The following FRMPD3 variants were observed in gnomAD, a reference collection of about 807,000 sequenced individuals.
The protein encoded by FRMPD3 is FERM and PDZ domain-containing protein 3.
Under a neutral mutation model 97.9 loss-of-function variants are expected in FRMPD3, and 42 were observed. The observed-to-expected ratio is 0.43, with a 90% CI of 0.34 to 0.55. The LOEUF (loss-of-function observed/expected upper bound fraction) is 0.55. FRMPD3 is among the 20% of genes least tolerant of loss of function. The pLI, the probability that FRMPD3 is intolerant of heterozygous loss-of-function variation, is 0.03. For missense variants in FRMPD3, 1,303 were observed against 1,457.7 expected, an observed-to-expected ratio of 0.89 and a Z score of 1.73; for synonymous variants, 577 against 581.1, an observed-to-expected ratio of 0.99 and a Z score of 0.10.
Position 107,597,624 on chromosome X carries a change from C to T in FRMPD3, c.1745C>T (p.Ala582Val), listed in dbSNP as rs778835068. ...GYEVVPDDFD[A>V]ASLDHEPCAS... is the part of the protein sequence containing the mutation. ...GAGGTAGTCCCTGATGACTTTGATG[C>T]AGCTAGCCTAGACCACGAGCCTTGT... is the stretch of plus-strand genomic sequence containing the variant. The change falls in exon 14 of 15, where the codon GCA becomes GTA. Residue 582 changes from alanine (A) to valine (V), a missense_variant. Physicochemically the swap from Ala to Val is moderately conservative, Grantham distance 64 (BLOSUM62 0). Around this residue, in one of 3 missense-constraint regions of FRMPD3, gnomAD observed 535 missense variants for 618.6 expected, o/e 0.86. Coordinates refer to ENST00000683843, the MANE Select transcript of FRMPD3 (RefSeq NM_001388459.1). 2 of 1,209,173 alleles carry T rather than the reference C, an allele frequency of 1.7e-6. No individual in the cohort carries two copies. Among genetic ancestry groups the T allele is most frequent in the Non-Finnish European group, 2.2e-6 (2 of 895,172 alleles).
At chrX:107,475,234 C>G (rs6652406) in intron 1 of FRMPD3, among the ~76,000 whole-genome samples, 2,353 of 111,319 alleles carry the variant, frequency 0.021, 53 homozygotes, top group African/African-American at 0.073. Context: ...TTCATTTGGC[C>G]GATGAAAGCC....
chrX:107,564,695 C>G (rs919429406), intron 11 of FRMPD3, among the ~76,000 whole-genome samples, 192 bp from the exon 12 acceptor site: 7 of 112,422 alleles, frequency 6.2e-5, no homozygotes, highest in South Asian at 3.7e-4. Flanking sequence ...ATCTGGGGCT[C>G]TATCCCAGGA....
chrX:107,557,726 A>G (rs1922146524), intron 8 of FRMPD3, among the ~76,000 whole-genome samples: 2 of 89,477 alleles, frequency 2.2e-5, no homozygotes, highest in Admixed American at 2.6e-4. Flanking sequence ...CAATTGTTAT[A>G]GCACCTTTTG....
chrX:107,524,413 A>T (rs1464629091), intron 1 of FRMPD3, among the ~76,000 whole-genome samples: 3 of 111,961 alleles, frequency 2.7e-5, no homozygotes, highest in Admixed American at 9.4e-5. Flanking sequence ...CCTTCCAGAG[A>T]CTTGACCTCA....
intron 1 of FRMPD3, among the ~76,000 whole-genome samples, chrX:107,463,998 T>G (rs955541345): frequency 4.5e-5 from 5 of 111,841 alleles, no homozygotes; most frequent in Middle Eastern, 4.6e-3. Flanking sequence ...TTGGGATTTG[T>G]TTGTAGGTAA....
At chrX:107,492,345 T>C (rs987964923) in intron 1 of FRMPD3, among the ~76,000 whole-genome samples, 8 of 111,704 alleles carry the variant, frequency 7.2e-5, no homozygotes, top group Admixed American at 5.7e-4. Context: ...TGACCCAAAA[T>C]GTACATTTCT....
chrX:107,466,830 C>G (rs1931573346), intron 1 of FRMPD3, among the ~76,000 whole-genome samples: 1 of 111,719 alleles, frequency 9.0e-6, no homozygotes, highest in Non-Finnish European at 1.9e-5. Flanking sequence ...CACCTTTAGC[C>G]AAGAGACTCT....
At chrX:107,466,993 T>A in intron 1 of FRMPD3, among the ~76,000 whole-genome samples, 1 of 100,206 alleles carries the variant, frequency 1.0e-5, no homozygotes, top group Non-Finnish European at 2.0e-5. Context: ...GTTGGAGGTG[T>A]GTGTGTGTGT....
chrX:107,460,211 G>A (rs1163685024), intron 1 of FRMPD3, among the ~76,000 whole-genome samples: 1 of 111,434 alleles, frequency 9.0e-6, no homozygotes, highest in Non-Finnish European at 1.9e-5. Flanking sequence ...AACTGGCTTA[G>A]GAGTCAACCA....
At chrX:107,491,166 G>A (rs1006323519) in intron 1 of FRMPD3, among the ~76,000 whole-genome samples, 1 of 111,900 alleles carries the variant, frequency 8.9e-6, no homozygotes, top group Non-Finnish European at 1.9e-5. Flanking sequence ...GGGAAAGCAA[G>A]CTCCCTTATC....
At chrX:107,488,467 C>T (rs1237997083) in intron 1 of FRMPD3, among the ~76,000 whole-genome samples, 1 of 112,372 alleles carries the variant, frequency 8.9e-6, no homozygotes, top group Admixed American at 9.4e-5. Flanking sequence ...GGTGTTTAGC[C>T]CTTATGGCTA....
At chrX:107,525,354 A>G (rs947372898) in intron 1 of FRMPD3, among the ~76,000 whole-genome samples, 79 of 111,737 alleles carry the variant, frequency 7.1e-4, no homozygotes, top group African/African-American at 2.4e-3. Context: ...CACCAGTGCT[A>G]TCACAGGCCT....
At chrX:107,549,842 CT>C (rs1358999470) in intron 5 of FRMPD3, among the ~76,000 whole-genome samples, 3 of 111,033 alleles carry the variant, frequency 2.7e-5, no homozygotes, top group Non-Finnish European at 5.7e-5. Context: ...TGGAGGCGGG[CT>C]TTTGATATGG....
intron 1 of FRMPD3, among the ~76,000 whole-genome samples, chrX:107,459,901 A>G (rs1931439011): frequency 9.2e-6 from 1 of 108,227 alleles, no homozygotes; most frequent in East Asian, 2.8e-4. Flanking sequence ...ACACACACAC[A>G]CACACACACA....
In FRMPD3 at chrX:107,597,851, G is replaced by A. The variant is rs745965346; in HGVS notation, c.1972G>A (p.Glu658Lys). Residue 658 changes from glutamate (E) to lysine (K), a missense_variant, in exon 14 of 15, where the codon GAG becomes AAG. Coordinates refer to ENST00000683843, the MANE Select transcript of FRMPD3 (RefSeq NM_001388459.1). ...GSEEEEEEED[E>K]TTSLLPAIAA... ...TGAGGAGGAGGAGGAGGAGGAAGAT[G>A]AGACAACTTCTCTGTTGCCAGCCAT... 137 of 1,195,160 alleles carry A rather than the reference G, an allele frequency of 1.1e-4. 1 individual carries two copies. In the South Asian group the frequency reaches 2.4e-3, roughly 21 times the overall value.
chrX:107,471,255 CCCTT>C (rs747812403), intron 1 of FRMPD3, among the ~76,000 whole-genome samples: 23 of 108,495 alleles, frequency 2.1e-4, no homozygotes, highest in East Asian at 5.8e-4. Context: ...CCTCTTCTTT[CCCTT>C]CCTTCCTTCC....
chrX:107,557,285 A>G, intron 8 of FRMPD3, among the ~76,000 whole-genome samples: 1 of 110,992 alleles, frequency 9.0e-6, no homozygotes, highest in East Asian at 2.8e-4. Flanking sequence ...GGAAGTGTCC[A>G]TTTAGATCTT....
At chrX:107,491,794 G>A (rs1921664887) in intron 1 of FRMPD3, among the ~76,000 whole-genome samples, 1 of 111,810 alleles carries the variant, frequency 8.9e-6, no homozygotes, top group Non-Finnish European at 1.9e-5. Context: ...TGCCCAGAGA[G>A]GGCCTCCTGG....
chrX:107,579,645 C>G (rs1259400712), intron 13 of FRMPD3, among the ~76,000 whole-genome samples: 1 of 111,444 alleles, frequency 9.0e-6, no homozygotes, highest in African/African-American at 3.3e-5. Context: ...TTTGAGGGCC[C>G]AGAAAGGCTT....
Sources: gnomAD v4.1 joint callset for allele counts (sites outside exome capture counted in the v4.1 genomes callset) on GRCh38, gnomAD v4.1.1 for gene constraint, gnomAD v4.1.1 regional missense constraint, MANE v1.5 for transcripts, NCBI Gene and HGNC (gene_info 2026-07-23, HGNC 2026-07-21) for gene names.